The following MB21D2 variants were observed in gnomAD, a reference collection of about 807,000 sequenced individuals.
The protein encoded by MB21D2 is Mab-21 domain containing 2, also known as nucleotidyltransferase MB21D2.
Under a neutral mutation model 33.3 loss-of-function variants are expected in MB21D2, and 9 were observed. The observed-to-expected ratio is 0.27, with a 90% CI of 0.16 to 0.47. The LOEUF is 0.47. Ranked by LOEUF, MB21D2 falls within the 20% of genes least tolerant of loss-of-function variation. MB21D2 has a pLI of 0.99. For synonymous variants in MB21D2, 241 were observed against 236.3 expected, an observed-to-expected ratio of 1.02 and a Z score of -0.18; for missense variants, 540 against 624.6, an observed-to-expected ratio of 0.86 and a Z score of 1.44.
chr3:192,869,296 G>GGGGAGGAA (rs1410484928), intron 1 of MB21D2, among the ~76,000 whole-genome samples: 2 of 132,184 alleles, frequency 1.5e-5, no homozygotes, highest in East Asian at 4.9e-4. Flanking sequence ...GAGGGGAGGA[G>GGGGAGGAA]GGGAGGAGGG....
At chr3:192,891,985 A>G (rs879300818) in intron 1 of MB21D2, among the ~76,000 whole-genome samples, 12 of 152,264 alleles carry the variant, frequency 7.9e-5, no homozygotes, top group Non-Finnish European at 1.6e-4. Flanking sequence ...AGAATGGAGA[A>G]AAACAAACTC....
At chr3:192,810,752 A>T (rs539497585) in intron 1 of MB21D2, among the ~76,000 whole-genome samples, 1 of 152,340 alleles carries the variant, frequency 6.6e-6, no homozygotes, top group Admixed American at 6.5e-5. Context: ...TCACTTTCTC[A>T]ATTAGACACA....
rs1720564807 is a variant in MB21D2, at chr3:192,798,304, A to T, written c.*82T>A. The T allele has an allele frequency of 6.8e-6, 10 of 1,477,076 alleles. No homozygotes were observed. The Admixed American group carries it at 1.5e-4, about 23-fold the overall frequency. The allele number at this position is 1,477,076 out of a possible 1,614,324, so 91.5% of individuals were successfully genotyped here. Reference sequence around the variant, plus strand: ...CAAATCCAATCTAGGCTGGATATGTAAAAAACAGAAAGATAGCATCACAAA... The same window carrying T: ...CAAATCCAATCTAGGCTGGATATGTTAAAAACAGAAAGATAGCATCACAAA... On this transcript the variant is annotated 3_prime_UTR_variant, in exon 2 of 2. Coordinates refer to ENST00000392452, the MANE Select transcript of MB21D2 (RefSeq NM_178496.4). This position sits in a 1 kb window ranked among gnomAD's most constrained non-coding sequence, Gnocchi z 4.8.
intron 1 of MB21D2, among the ~76,000 whole-genome samples, chr3:192,878,081 C>CTTTTTCTTTTTTTTTTT (rs1713475613): frequency 2.5e-5 from 3 of 119,532 alleles, no homozygotes; most frequent in African/African-American, 9.5e-5. Flanking sequence ...AATTCCTCCT[C>CTTTTTCTTTTTTTTTTT]TTTTTTTTTT....
chr3:192,913,564 C>T (rs955103346), intron 1 of MB21D2, among the ~76,000 whole-genome samples: 1 of 151,296 alleles, frequency 6.6e-6, no homozygotes, highest in Non-Finnish European at 1.5e-5. Context: ...TGGCTCATGC[C>T]TGTAATACCA....
intron 1 of MB21D2, among the ~76,000 whole-genome samples, chr3:192,914,359 T>C (rs976389834): frequency 6.6e-6 from 1 of 152,226 alleles, no homozygotes; most frequent in Admixed American, 6.5e-5. Context: ...ACTTGGTCTG[T>C]AGGTTAGGTG....
At chr3:192,843,246 C>T (rs755362019) in intron 1 of MB21D2, among the ~76,000 whole-genome samples, 9 of 152,192 alleles carry the variant, frequency 5.9e-5, no homozygotes, top group Admixed American at 2.0e-4. Flanking sequence ...AAAGGATCCT[C>T]TGTCACTAAG....
chr3:192,905,495 G>C (rs1490798625), intron 1 of MB21D2, among the ~76,000 whole-genome samples: 1 of 151,878 alleles, frequency 6.6e-6, no homozygotes, highest in Non-Finnish European at 1.5e-5. Flanking sequence ...TAATTAGCCA[G>C]GGGTGGTGTC....
chr3:192,810,818 T>C (rs962864687), intron 1 of MB21D2, among the ~76,000 whole-genome samples: 2 of 152,236 alleles, frequency 1.3e-5, no homozygotes, highest in East Asian at 1.9e-4. Flanking sequence ...CTAAACAAAA[T>C]TAATAGTTCC....
At position 192,917,709 on chromosome 3, in the gene MB21D2, C is replaced by T; in HGVS notation, c.132G>A (p.Thr44=). 2 of 1,614,182 alleles carry T rather than the reference C, an allele frequency of 1.2e-6. No homozygotes were observed. The highest frequency in any genetic ancestry group is 1.7e-6 in the Non-Finnish European group (2 of 1,180,028). ...CGTCGTATTCCCGCTGGTCGTGCTT[C>T]GTAAATTCTTGGATGAGTTTGTTCA... The part of the protein sequence containing the change: ...EELNKLIQEF[T]KHDQREYDDQ... Residue 44 remains threonine (T), a synonymous_variant, in exon 1 of 2, where the codon ACG becomes ACA. Coordinates refer to ENST00000392452, the MANE Select transcript of MB21D2 (RefSeq NM_178496.4).
chr3:192,902,689 A>G (rs1714127971), intron 1 of MB21D2, among the ~76,000 whole-genome samples: 1 of 152,118 alleles, frequency 6.6e-6, no homozygotes, highest in Non-Finnish European at 1.5e-5. Context: ...AATTCTTTGA[A>G]TCCTATTACA....
chr3:192,820,592 A>C (rs1003773419), intron 1 of MB21D2, among the ~76,000 whole-genome samples: 1 of 152,234 alleles, frequency 6.6e-6, no homozygotes, highest in African/African-American at 2.4e-5. Context: ...CTGCTGATGA[A>C]AGCGTCTGCG....
Position 192,799,442 on chromosome 3 carries a change from G to C in MB21D2, c.420C>G (p.His140Gln), listed in dbSNP as rs754617416. The change falls in exon 2 of 2, where the codon CAC (histidine) becomes CAG (glutamine). Residue 140 changes from histidine to glutamine, a missense_variant. His to Gln is a conservative substitution (Grantham distance 24). Transcript: ENST00000392452. This position sits in a 1 kb window ranked among gnomAD's most constrained non-coding sequence, Gnocchi z 4.1. ...RNQPVTLDMR[H>Q]SALCHSWLSL... ...TCAGCCAAGAGTGGCACAAGGCTGA[G>C]TGGCGCATGTCGAGTGTCACAGGCT... is the stretch of plus-strand genomic sequence containing the variant. 6.2e-7 allele frequency: 1 copy of C among 1,614,124 alleles called. No homozygotes were observed.
At chr3:192,812,829 C>T (rs765442691) in intron 1 of MB21D2, among the ~76,000 whole-genome samples, 2 of 151,486 alleles carry the variant, frequency 1.3e-5, no homozygotes, top group Non-Finnish European at 2.9e-5. Context: ...AAGTCTAATA[C>T]CTAATTTCTA....
chr3:192,829,827 A>C (rs1712273674), intron 1 of MB21D2, among the ~76,000 whole-genome samples: 1 of 152,218 alleles, frequency 6.6e-6, no homozygotes, highest in African/African-American at 2.4e-5. Flanking sequence ...CCCAGGCTCA[A>C]GTGATACTCC....
intron 1 of MB21D2, among the ~76,000 whole-genome samples, chr3:192,843,829 G>A (rs1712623558): frequency 6.6e-6 from 1 of 152,100 alleles, no homozygotes; most frequent in African/African-American, 2.4e-5. Context: ...CTGCAAGAGA[G>A]AAGTACCTAC....
At chr3:192,837,765 C>T (rs528842162) in intron 1 of MB21D2, among the ~76,000 whole-genome samples, 121 of 152,250 alleles carry the variant, frequency 7.9e-4, no homozygotes, top group Middle Eastern at 3.4e-3. Flanking sequence ...TTTAAATGAT[C>T]CCCAGGTGAT....
At chr3:192,911,204 A>C (rs550309459) in intron 1 of MB21D2, among the ~76,000 whole-genome samples, 60 of 152,064 alleles carry the variant, frequency 3.9e-4, no homozygotes, top group Non-Finnish European at 7.2e-4. Context: ...AACTTGGATG[A>C]ATTCCTATAT....
At position 192,797,308 on chromosome 3, in the gene MB21D2, G is replaced by A. The variant is rs924257457; in HGVS notation, c.*1078C>T. ...TCTCAAAACTCTCAGGAAGAGTAGA[G>A]ATTTTACAAAAAAGCTTACCTCTAT... On this transcript the variant is annotated 3_prime_UTR_variant, in exon 2 of 2. Transcript: ENST00000392452. The A allele has an allele frequency of 4.6e-5, 7 of 152,554 alleles. No individual in the cohort carries two copies. Among genetic ancestry groups the A allele is most frequent in the Admixed American group, 1.3e-4 (2 of 15,284 alleles). 9.5% of individuals were successfully genotyped at this position (152,554 alleles called of 1,614,324 possible).
Sources: allele counts gnomAD v4.1 joint callset (sites outside exome capture counted in the v4.1 genomes callset), GRCh38; gene constraint gnomAD v4.1.1; non-coding constraint Gnocchi (gnomAD v3.1); transcripts MANE v1.5; gene names NCBI Gene and HGNC (gene_info 2026-07-23, HGNC 2026-07-21).